C12orf42: variants seen among roughly 807,000 people sequenced by gnomAD.
C12orf42 encodes the protein chromosome 12 open reading frame 42.
C12orf42 carries 25 observed loss-of-function variants against 21.6 expected under a neutral mutation model. The ratio of observed to expected loss-of-function variants is 1.16; its 90% CI spans 0.84 to 1.62. The LOEUF (loss-of-function observed/expected upper bound fraction) is 1.62, where lower values mean the gene tolerates loss of function less well. C12orf42 is among the 40% of genes most tolerant of loss of function. The pLI is 0.00. For synonymous variants in C12orf42, 174 were observed against 175.0 expected, an observed-to-expected ratio of 0.99 and a Z score of 0.05; for missense variants, 483 against 459.3, an observed-to-expected ratio of 1.05 and a Z score of -0.47.
Position 103,474,989 on chromosome 12 carries a change from C to A in C12orf42, c.78+3360G>T, listed in dbSNP as rs535550019. On this transcript the variant is annotated intron_variant, in intron 2 of 5. Coordinates refer to ENST00000548883, the MANE Select transcript of C12orf42 (RefSeq NM_198521.5). Reference sequence around the variant, plus strand: ...CCTGGTTAACATAAGTCAAAGGATTCTCTGAAAAAATACAGTAAATTTGAA... The same window carrying A: ...CCTGGTTAACATAAGTCAAAGGATTATCTGAAAAAATACAGTAAATTTGAA... Among the ~76,000 whole-genome samples, 6 of 152,310 alleles carry A rather than the reference C, an allele frequency of 3.9e-5. No homozygotes were observed. The East Asian group carries it at 1.2e-3, about 29-fold the overall frequency.
chr12:103,334,741 G>C (rs534716976), intron 4 of C12orf42, among the ~76,000 whole-genome samples: 1 of 152,050 alleles, frequency 6.6e-6, no homozygotes, highest in South Asian at 2.1e-4. Flanking sequence ...CAAAGAAATC[G>C]CTCGGCCAAC....
chr12:103,350,308 A>G lies in C12orf42; in HGVS notation c.259+18579T>C, dbSNP rs544820574. The stretch of plus-strand genomic sequence containing the variant: ...GCCATCTTGCTCCATCGCACCTGAG[A>G]GGTGAATCACCCCTTTGTCCAGTGT... On this transcript the variant is annotated intron_variant, in intron 4 of 5. Transcript: ENST00000548883. Among the ~76,000 whole-genome samples the G allele has an allele frequency of 8.5e-5, 13 of 152,282 alleles. No individual in the cohort carries two copies. The South Asian group carries it at 2.7e-3, about 32-fold the overall frequency.
At chr12:103,553,546 A>G in the C12orf42 span, among the ~76,000 whole-genome samples, 1 of 152,304 alleles carries the variant, frequency 6.6e-6, no homozygotes, top group East Asian at 1.9e-4. Context: ...AACATTGTAT[A>G]TCAACAGGAA....
chr12:103,480,433 C>T (rs1234558731), intron 1 of C12orf42, among the ~76,000 whole-genome samples: 2 of 150,804 alleles, frequency 1.3e-5, no homozygotes, highest in Admixed American at 1.3e-4. Context: ...TTTTCTAATT[C>T]ATTCATTTTT....
intron 4 of C12orf42, among the ~76,000 whole-genome samples, chr12:103,292,652 T>A (rs1004704155): frequency 1.3e-5 from 2 of 152,218 alleles, no homozygotes; most frequent in Admixed American, 1.3e-4. Flanking sequence ...TAAATATGAA[T>A]TATTATGTAT....
intron 2 of C12orf42, among the ~76,000 whole-genome samples, chr12:103,450,786 T>G (rs1033276423): frequency 1.3e-5 from 2 of 152,114 alleles, no homozygotes; most frequent in Non-Finnish European, 2.9e-5. Context: ...CAGCCTAGGT[T>G]TCTTGAAATA....
intron 4 of C12orf42, among the ~76,000 whole-genome samples, chr12:103,338,065 T>C (rs542009801): frequency 6.6e-6 from 1 of 152,342 alleles, no homozygotes; most frequent in East Asian, 1.9e-4. Flanking sequence ...CTGCTTTCCC[T>C]TTACCACCAA....
chr12:103,506,662 C>T, the C12orf42 span, among the ~76,000 whole-genome samples: 1 of 148,876 alleles, frequency 6.7e-6, no homozygotes, highest in African/African-American at 2.5e-5. Context: ...GATAAAGTTG[C>T]TTAACTTCGC....
the C12orf42 span, among the ~76,000 whole-genome samples, chr12:103,104,119 A>C: frequency 3.3e-5 from 5 of 152,342 alleles, no homozygotes; most frequent in East Asian, 9.6e-4. Flanking sequence ...TATCACAGCT[A>C]ATAAATGGCA....
At chr12:103,079,705 C>A in the C12orf42 span, among the ~76,000 whole-genome samples, 2 of 152,182 alleles carry the variant, frequency 1.3e-5, no homozygotes, top group Non-Finnish European at 1.5e-5. Flanking sequence ...GGCAAGGAAG[C>A]TTTGCTTATC....
intron 2 of C12orf42, among the ~76,000 whole-genome samples, chr12:103,420,436 C>T (rs143182999): frequency 9.9e-4 from 151 of 152,286 alleles, no homozygotes; most frequent in African/African-American, 3.5e-3. Context: ...CCAGTTTTCT[C>T]CCTCTCCTTT....
intron 2 of C12orf42, among the ~76,000 whole-genome samples, chr12:103,452,056 G>A (rs923310512): frequency 2.0e-5 from 3 of 151,710 alleles, no homozygotes; most frequent in African/African-American, 4.8e-5. Context: ...GTTGATTTAG[G>A]CCAGATGAAG....
At chr12:103,507,241 TATATATA>T in the C12orf42 span, among the ~76,000 whole-genome samples, 1 of 59,588 alleles carries the variant, frequency 1.7e-5, no homozygotes, top group African/African-American at 1.0e-4. Flanking sequence ...ATATATATAT[TATATATA>T]ATATATAAAT....
rs570376783 is a variant in C12orf42, at chr12:103,445,111, C to T, written c.78+33238G>A. On this transcript the variant is annotated intron_variant, in intron 2 of 5. Transcript: ENST00000548883. ...GCCAATCTGTACTCATCCCCCATAC[C>T]GTCTCTCAGGGGTAGACGCTATGTG... Among the ~76,000 whole-genome samples, 7 of 152,058 alleles carry T rather than the reference C, an allele frequency of 4.6e-5. No homozygotes were observed. The East Asian group carries it at 1.2e-3, about 25-fold the overall frequency.
At chr12:103,436,080 G>C (rs377399023) in intron 2 of C12orf42, among the ~76,000 whole-genome samples, 2,105 of 152,210 alleles carry the variant, frequency 0.014, 14 homozygotes, top group Middle Eastern at 0.034. Context: ...AGCCAGAAGA[G>C]AGTGGTGGCA....
At chr12:103,482,922 A>T (rs1393400630) in intron 1 of C12orf42, among the ~76,000 whole-genome samples, 1 of 152,072 alleles carries the variant, frequency 6.6e-6, no homozygotes, top group Admixed American at 6.5e-5. Flanking sequence ...TTTTAATTTA[A>T]ATATATTTCT....
chr12:103,241,635 G>A (rs1318642764), intron 10 of C12orf42, among the ~76,000 whole-genome samples: 1 of 151,990 alleles, frequency 6.6e-6, no homozygotes, highest in Non-Finnish European at 1.5e-5. Context: ...AAAATAAGAG[G>A]GTTGGACTAT....
At chr12:103,524,841 G>T in the C12orf42 span, among the ~76,000 whole-genome samples, 6 of 151,724 alleles carry the variant, frequency 4.0e-5, no homozygotes, top group East Asian at 5.8e-4. Context: ...GACAAGAAAA[G>T]TTCAGCATCA....
At chr12:103,275,758 T>C (rs2035733096) in intron 5 of C12orf42, among the ~76,000 whole-genome samples, 1 of 151,464 alleles carries the variant, frequency 6.6e-6, no homozygotes, top group Non-Finnish European at 1.5e-5. Context: ...TTTTTTTTTT[T>C]ACTCAGGAAA....
Sources: gnomAD v4.1 joint callset for allele counts (sites outside exome capture counted in the v4.1 genomes callset) on GRCh38, gnomAD v4.1.1 for gene constraint, MANE v1.5 for transcripts, NCBI Gene and HGNC (gene_info 2026-07-23, HGNC 2026-07-21) for gene names.